The following FAM163A variants were observed in gnomAD, a reference collection of about 807,000 sequenced individuals.
The protein encoded by FAM163A is family with sequence similarity 163 member A.
FAM163A carries 7 observed loss-of-function variants against 12.0 expected under a neutral mutation model. That is an observed-to-expected ratio of 0.58 (90% CI 0.33 to 1.10). The LOEUF is 1.10. Ranked by LOEUF, FAM163A falls within the 50% of genes least tolerant of loss-of-function variation. FAM163A has a pLI of 0.03. For missense variants in FAM163A, 202 were observed against 218.6 expected, an observed-to-expected ratio of 0.92 and a Z score of 0.48; for synonymous variants, 101 against 91.0, an observed-to-expected ratio of 1.11 and a Z score of -0.62.
At chr1:179,748,454 G>A (rs754821855) in intron 1 of FAM163A, among the ~76,000 whole-genome samples, 15 of 152,198 alleles carry the variant, frequency 9.9e-5, no homozygotes, top group Non-Finnish European at 1.6e-4. Context: ...TAGTATACAA[G>A]TAGTGGAGGA....
chr1:179,746,919 G>T (rs747115687), intron 1 of FAM163A, among the ~76,000 whole-genome samples: 9 of 152,146 alleles, frequency 5.9e-5, no homozygotes, highest in Non-Finnish European at 1.0e-4. Flanking sequence ...TGGACAGCAG[G>T]CTCTCTGAGC....
chr1:179,814,885 A>G lies in FAM163A; in HGVS notation c.*696A>G, dbSNP rs1695163817. On this transcript the variant is annotated 3_prime_UTR_variant, in exon 5 of 5. Coordinates refer to ENST00000341785, the MANE Select transcript of FAM163A (RefSeq NM_173509.3). ...TAAGGTGGCTTGTGGGGACTGCACCAGAAAGTGTCTAACCTTGTGTTCCCC... is the reference window on the plus strand; with the variant it reads ...TAAGGTGGCTTGTGGGGACTGCACCGGAAAGTGTCTAACCTTGTGTTCCCC... 1 of 152,240 alleles carries G rather than the reference A, an allele frequency of 6.6e-6. No homozygotes were observed. Among genetic ancestry groups the G allele is most frequent in the African/African-American group, 2.4e-5 (1 of 41,450 alleles). 9.4% of individuals were successfully genotyped at this position (152,240 alleles called of 1,614,324 possible). A position where few individuals can be genotyped will look rare whatever the true frequency, so the allele number is the denominator to read the frequency against.
In FAM163A at chr1:179,801,257, T is replaced by A. The variant is rs926177718; in HGVS notation, c.-135-6541T>A. Among the ~76,000 whole-genome samples, 14 of 152,134 alleles carry A rather than the reference T, an allele frequency of 9.2e-5. 1 individual carries two copies. Among genetic ancestry groups the A allele is most frequent in the African/African-American group, 2.4e-5 (1 of 41,422 alleles). On this transcript the variant is annotated intron_variant, in intron 1 of 4. Transcript: ENST00000341785. ...TTGTGCAGTGCCTGACTGCTGGGAT[T>A]TTTAACTGGCAGGGAGACCCAGTGG...
At chr1:179,729,541 T>C in the FAM163A span, among the ~76,000 whole-genome samples, 8 of 152,358 alleles carry the variant, frequency 5.3e-5, no homozygotes, top group African/African-American at 1.7e-4. Flanking sequence ...TGGGCCATTC[T>C]GAGAAGGCTC....
intron 1 of FAM163A, among the ~76,000 whole-genome samples, chr1:179,762,920 A>G (rs576694160): frequency 1.8e-4 from 27 of 152,206 alleles, no homozygotes; most frequent in Non-Finnish European, 3.5e-4. Flanking sequence ...TTCAGAGTTC[A>G]TAGCTGGGAC....
intron 1 of FAM163A, among the ~76,000 whole-genome samples, chr1:179,807,146 A>G (rs1045416230): frequency 1.3e-5 from 2 of 152,088 alleles, no homozygotes; most frequent in African/African-American, 4.8e-5. Flanking sequence ...AAATGAATAA[A>G]CAAATGAAAC....
intron 1 of FAM163A, among the ~76,000 whole-genome samples, chr1:179,793,545 G>C (rs967642955): frequency 6.6e-6 from 1 of 152,134 alleles, no homozygotes; most frequent in East Asian, 1.9e-4. Context: ...GTGCTATTAG[G>C]GGGCAGTGAA....
the FAM163A span, among the ~76,000 whole-genome samples, chr1:179,737,398 G>T: frequency 1.3e-5 from 2 of 152,300 alleles, no homozygotes; most frequent in East Asian, 3.9e-4. Context: ...TACAGTTTCA[G>T]TTATACAAGA....
intron 1 of FAM163A, among the ~76,000 whole-genome samples, chr1:179,798,834 C>G (rs78280006): frequency 0.014 from 2,207 of 152,292 alleles, 23 homozygotes; most frequent in African/African-American, 0.033. Context: ...CTGTGAGATT[C>G]ATCTTGGACC....
In FAM163A at chr1:179,814,657, C is replaced by A. The variant is rs544830630; in HGVS notation, c.*468C>A. 272 of 156,528 alleles carry A rather than the reference C, an allele frequency of 1.7e-3. 1 individual carries two copies. Among genetic ancestry groups the A allele is most frequent in the Non-Finnish European group, 3.0e-3 (213 of 70,780 alleles). The allele number at this position is 156,528 out of a possible 1,614,324, so 9.7% of individuals were successfully genotyped here. A position where few individuals can be genotyped will look rare whatever the true frequency, so the allele number is the denominator to read the frequency against. On this transcript the variant is annotated 3_prime_UTR_variant, in exon 5 of 5. Coordinates refer to ENST00000341785, the MANE Select transcript of FAM163A (RefSeq NM_173509.3). ...AGCTACAATTCCAGCATTGGAGAAG[C>A]GAGGGGCGGGGCGTCAACGGCACTG... is the stretch of plus-strand genomic sequence containing the variant.
intron 1 of FAM163A, among the ~76,000 whole-genome samples, chr1:179,749,623 A>C (rs1684983284): frequency 6.6e-6 from 1 of 152,204 alleles, no homozygotes; most frequent in Non-Finnish European, 1.5e-5. Context: ...AGGCCAAGGC[A>C]GGCGGATTGC....
At chr1:179,738,349 A>G (rs566597887), upstream of FAM163A, among the ~76,000 whole-genome samples, 2 of 152,364 alleles carry the variant, frequency 1.3e-5, no homozygotes, top group South Asian at 4.1e-4. Flanking sequence ...AAAGTATCAC[A>G]TTGTACTCCA....
intron 2 of FAM163A, among the ~76,000 whole-genome samples, chr1:179,808,265 T>C (rs1694228282): frequency 6.6e-6 from 1 of 152,252 alleles, no homozygotes; most frequent in Non-Finnish European, 1.5e-5. Flanking sequence ...GCTGGGGCTT[T>C]TGTAAGATTC....
intron 1 of FAM163A, among the ~76,000 whole-genome samples, chr1:179,773,086 CA>C (rs1467600763): frequency 6.6e-6 from 1 of 150,442 alleles, no homozygotes; most frequent in African/African-American, 2.5e-5. Flanking sequence ...GCAATATACT[CA>C]GCTAAAAATT....
At chr1:179,747,824 G>C (rs1370000884) in intron 1 of FAM163A, among the ~76,000 whole-genome samples, 2 of 152,110 alleles carry the variant, frequency 1.3e-5, no homozygotes, top group Non-Finnish European at 2.9e-5. Flanking sequence ...ACAAGGCACA[G>C]TTCAGAAACA....
chr1:179,734,160 A>T, the FAM163A span, among the ~76,000 whole-genome samples: 1 of 152,236 alleles, frequency 6.6e-6, no homozygotes, highest in Non-Finnish European at 1.5e-5. Context: ...AGATCAACTC[A>T]GCTCAAATGT....
intron 1 of FAM163A, among the ~76,000 whole-genome samples, chr1:179,770,126 C>G (rs752744149): frequency 1.3e-5 from 2 of 151,920 alleles, no homozygotes; most frequent in Non-Finnish European, 2.9e-5. Flanking sequence ...AGGATTGTCT[C>G]AATCTCCTGA....
chr1:179,798,334 C>T (rs1207090823), intron 1 of FAM163A, among the ~76,000 whole-genome samples: 1 of 152,200 alleles, frequency 6.6e-6, no homozygotes, highest in African/African-American at 2.4e-5. Flanking sequence ...TATTCTGATC[C>T]AGTGGGATCC....
rs1690757143 is a variant in FAM163A, at chr1:179,787,209, T to C, written c.-135-20589T>C. On this transcript the variant is annotated intron_variant, in intron 1 of 4. Transcript: ENST00000341785. The stretch of plus-strand genomic sequence containing the variant: ...AGCAATCTCTTTAGCCCGAGGCTCC[T>C]CTTAATTTGTAGTAAATAGAGAGCT... Among the ~76,000 whole-genome samples, 3 of 152,242 alleles carry C rather than the reference T, an allele frequency of 2.0e-5. No homozygotes were observed. In the South Asian group the frequency reaches 6.2e-4, roughly 31 times the overall value.
Sources: allele counts gnomAD v4.1 joint callset (sites outside exome capture counted in the v4.1 genomes callset), GRCh38; gene constraint gnomAD v4.1.1; transcripts MANE v1.5; gene names NCBI Gene and HGNC (gene_info 2026-07-23, HGNC 2026-07-21).